The following HIF1A variants were observed in gnomAD, a reference collection of about 807,000 sequenced individuals.
HIF1A encodes hypoxia-inducible factor 1-alpha.
Under a neutral mutation model 92.7 loss-of-function variants are expected in HIF1A, and 24 were observed. The ratio of observed to expected loss-of-function variants is 0.26; its 90% confidence interval spans 0.19 to 0.36. The LOEUF (loss-of-function observed/expected upper bound fraction) is 0.36, where lower values mean the gene tolerates loss of function less well. Ranked by LOEUF, HIF1A falls within the 10% of genes least tolerant of loss-of-function variation. The pLI is 1.00. For missense variants in HIF1A, 799 were observed against 998.5 expected (o/e 0.80, Z 2.69); for synonymous variants, 319 against 338.7 (o/e 0.94, Z 0.64).
chr14:61,738,340 T>G lies in HIF1A; in HGVS notation c.1503T>G (p.Pro501=). 6.2e-7 allele frequency: 1 copy of G among 1,611,954 alleles called. No homozygotes were observed. The highest frequency in any genetic ancestry group is 8.5e-7 in the Non-Finnish European group (1 of 1,178,904). The change falls in exon 10 of 15, where the codon CCT becomes CCG. Residue 501 remains proline, a synonymous_variant. Transcript: ENST00000337138. ...MPQIQDQTPS[P]SDGSTRQSSP... ...AGATTCAGGATCAGACACCTAGTCC[T>G]TCCGATGGAAGCACTAGACAAAGTT...
chr14:61,740,640 ATTTG>A lies in HIF1A; in HGVS notation c.1659+17_1659+20del, dbSNP rs1165869158. On this transcript the variant is annotated intron_variant, in intron 11 of 14. Transcript: ENST00000337138. ...ATTTTCTACTCAGGTATATGAACTT[ATTTG>A]TTTTATATTAAATTTCATTAATTTT... The A allele has an allele frequency of 1.9e-6, 3 of 1,573,818 alleles. No homozygotes were observed. Among genetic ancestry groups the A allele is most frequent in the Admixed American group, 2.1e-5 (1 of 48,684 alleles).
At chr14:61,732,611 G>A (rs1161571934) in intron 7 of HIF1A, 87 bp downstream of exon 7, 1 of 786,974 alleles carries the variant, frequency 1.3e-6, no homozygotes, top group Non-Finnish European at 2.1e-6. Flanking sequence ...TAATTCTCTG[G>A]TTAAAAGTTC....
intron 6 of HIF1A, among the ~76,000 whole-genome samples, chr14:61,729,213 G>C (rs2044544028): frequency 6.6e-6 from 1 of 152,106 alleles, no homozygotes; most frequent in Admixed American, 6.6e-5. Flanking sequence ...TATAATCCTA[G>C]CACTGTGGGA....
chr14:61,744,557 T>TCAGG, intron 12 of HIF1A, 148 bp from the exon 13 acceptor site: 2 of 427,600 alleles, frequency 4.7e-6, no homozygotes, highest in Non-Finnish European at 8.5e-6. Context: ...TTTAAGATGA[T>TCAGG]AAACTTTAGT....
intron 1 of HIF1A, among the ~76,000 whole-genome samples, chr14:61,696,409 A>C (rs1047653934): frequency 1.3e-5 from 2 of 152,250 alleles, no homozygotes; most frequent in African/African-American, 4.8e-5. Flanking sequence ...GTAGTTGTCC[A>C]GCCGTCGCGG....
At chr14:61,725,432 T>G (rs76547151) in intron 4 of HIF1A, among the ~76,000 whole-genome samples, 3 of 146,576 alleles carry the variant, frequency 2.0e-5, no homozygotes, top group Admixed American at 6.9e-5. Flanking sequence ...TTTTTTTTTT[T>G]GAGACAGTGT....
At chr14:61,730,579 C>T (rs1042487406) in intron 6 of HIF1A, among the ~76,000 whole-genome samples, 2 of 152,110 alleles carry the variant, frequency 1.3e-5, no homozygotes, top group African/African-American at 4.8e-5. Context: ...TTCCTGAAAG[C>T]GGTTTTGCCT....
intron 10 of HIF1A, 48 bp from the exon 11 acceptor site, chr14:61,740,457 G>A (rs747014468): frequency 2.1e-6 from 3 of 1,429,062 alleles, no homozygotes; most frequent in Non-Finnish European, 2.9e-6. Context: ...AACTAGCAAA[G>A]TATATGGAAG....
At chr14:61,695,861 G>C in intron 1 of HIF1A, 22 bp downstream of exon 1, 1 of 1,559,918 alleles carries the variant, frequency 6.4e-7, no homozygotes, top group Non-Finnish European at 8.7e-7. Flanking sequence ...CCCTCGGCCC[G>C]CCGCCTTCTC....
At chr14:61,714,812 T>G (rs2044344912) in intron 1 of HIF1A, among the ~76,000 whole-genome samples, 1 of 152,156 alleles carries the variant, frequency 6.6e-6, no homozygotes, top group South Asian at 2.1e-4. Flanking sequence ...GGTGGGCAGA[T>G]CACCTGAGGT....
intron 6 of HIF1A, among the ~76,000 whole-genome samples, chr14:61,732,113 C>T (rs1475750619): frequency 2.6e-5 from 4 of 152,102 alleles, no homozygotes; most frequent in African/African-American, 9.7e-5. Flanking sequence ...GCTCTCCAGC[C>T]TGAGCAACAC....
At chr14:61,698,096 C>A in intron 1 of HIF1A, 1 of 449,030 alleles carries the variant, frequency 2.2e-6, no homozygotes, top group Non-Finnish European at 3.7e-6. Flanking sequence ...CTGTTTCAGG[C>A]TTCAGGCCAG....
chr14:61,727,910 C>T (rs1435676628), intron 6 of HIF1A, among the ~76,000 whole-genome samples: 2 of 151,494 alleles, frequency 1.3e-5, no homozygotes, highest in Admixed American at 6.6e-5. Context: ...AGGCACTACT[C>T]AGGAGGCTGA....
intron 6 of HIF1A, among the ~76,000 whole-genome samples, chr14:61,729,462 AAAAAAC>A (rs1336001117): frequency 7.3e-6 from 1 of 136,202 alleles, no homozygotes; most frequent in African/African-American, 2.6e-5. Context: ...ACTCCATCTC[AAAAAAC>A]AAAAACAAAA....
intron 1 of HIF1A, among the ~76,000 whole-genome samples, chr14:61,713,953 C>T (rs2044335577): frequency 6.6e-6 from 1 of 152,258 alleles, no homozygotes; most frequent in South Asian, 2.1e-4. Flanking sequence ...TGGAGAGAAC[C>T]CCTCCTCTCC....
chr14:61,726,661 T>C (rs1436833643), intron 4 of HIF1A, 45 bp from the exon 5 acceptor site: 4 of 1,213,454 alleles, frequency 3.3e-6, no homozygotes, highest in Non-Finnish European at 4.7e-6. Flanking sequence ...TGTAACAAAT[T>C]TGTATATTTA....
chr14:61,704,840 T>C (rs1241460173), intron 1 of HIF1A, among the ~76,000 whole-genome samples: 2 of 152,228 alleles, frequency 1.3e-5, no homozygotes, highest in African/African-American at 4.8e-5. Context: ...GAATCGTTGA[T>C]GGCTTAGGCC....
At chr14:61,707,524 TCA>T (rs1261231821) in intron 1 of HIF1A, among the ~76,000 whole-genome samples, 2 of 152,060 alleles carry the variant, frequency 1.3e-5, no homozygotes, top group Non-Finnish European at 1.5e-5. Context: ...TTCTCATTGT[TCA>T]GTTCCTACCT....
chr14:61,715,259 A>G (rs1282244956), intron 1 of HIF1A, among the ~76,000 whole-genome samples: 3 of 152,202 alleles, frequency 2.0e-5, no homozygotes, highest in Non-Finnish European at 4.4e-5. Flanking sequence ...GAGAGCATCT[A>G]TTACCATTGT....
Sources: allele counts gnomAD v4.1 joint callset (sites outside exome capture counted in the v4.1 genomes callset), GRCh38; gene constraint gnomAD v4.1.1; transcripts MANE v1.5; gene names NCBI Gene and HGNC (gene_info 2026-07-23, HGNC 2026-07-21).